The following ATAD5 variants were observed in gnomAD, a reference collection of about 807,000 sequenced individuals.
The protein encoded by ATAD5 is ATPase family AAA domain-containing protein 5.
A neutral mutation model predicts 176.9 loss-of-function variants in ATAD5; 58 were observed. The ratio of observed to expected loss-of-function variants is 0.33; its 90% CI spans 0.27 to 0.41. ATAD5 has a LOEUF of 0.41. Among genes scored for constraint, ATAD5 ranks in the 10% least tolerant of loss-of-function variants. ATAD5 has a pLI of 1.00. For synonymous variants in ATAD5, 640 were observed against 712.6 expected, an observed-to-expected ratio of 0.90 and a Z score of 1.62; for missense variants, 1,789 against 2,094.1, an observed-to-expected ratio of 0.85 and a Z score of 2.84.
chr17:30,888,197 A>C (rs1020477239), intron 19 of ATAD5, among the ~76,000 whole-genome samples: 12 of 152,152 alleles, frequency 7.9e-5, no homozygotes, highest in Admixed American at 2.6e-4. Flanking sequence ...AAGATTATAA[A>C]AATTTTAAGC....
At chr17:30,850,677 T>C (rs1906825605) in intron 6 of ATAD5, among the ~76,000 whole-genome samples, 1 of 150,826 alleles carries the variant, frequency 6.6e-6, no homozygotes, top group Non-Finnish European at 1.5e-5. Context: ...CTCTAAGACA[T>C]CTCTTACTAG....
At chr17:30,840,816 C>T in intron 4 of ATAD5, 35 bp downstream of exon 4, 1 of 1,564,894 alleles carries the variant, frequency 6.4e-7, no homozygotes. Context: ...TATAAATTCT[C>T]TCCTATTTTG....
chr17:30,883,864 C>T (rs1011080866), intron 18 of ATAD5, among the ~76,000 whole-genome samples: 1 of 151,868 alleles, frequency 6.6e-6, no homozygotes, highest in African/African-American at 2.4e-5. Context: ...ATTAATTTTA[C>T]TTGTTTCTTT....
At chr17:30,857,890 C>A (rs191814711) in intron 8 of ATAD5, among the ~76,000 whole-genome samples, 2 of 151,978 alleles carry the variant, frequency 1.3e-5, no homozygotes, top group African/African-American at 4.8e-5. Flanking sequence ...TACAGGCACA[C>A]GCCACCATGC....
At position 30,855,230 on chromosome 17, in the gene ATAD5, G is replaced by T; in HGVS notation, c.2538G>T (p.Leu846Phe). ...TAATGAGTGGTTTGCCAGATTTGTT[G>T]AAACGGCAAATTGCAAAGAAAGCTG... ...DFLMSGLPDL[L>F]KRQIAKKAAA... Residue 846 changes from leucine to phenylalanine, a missense_variant, in exon 7 of 23, where the codon TTG becomes TTT. By Grantham distance (22) the Leu-to-Phe change is conservative (BLOSUM62 0). This residue lies in a region of ATAD5 where 487 missense variants were observed against 573.6 expected (regional missense o/e 0.85). Coordinates refer to ENST00000321990, the MANE Select transcript of ATAD5 (RefSeq NM_024857.5). The T allele has an allele frequency of 6.2e-7, 1 of 1,614,096 alleles. No individual in the cohort carries two copies. Among genetic ancestry groups the T allele is most frequent in the Non-Finnish European group, 8.5e-7 (1 of 1,179,998 alleles).
Position 30,835,862 on chromosome 17 carries a change from C to T in ATAD5, c.1781C>T (p.Thr594Ile), listed in dbSNP as rs369100241. ...SLLNVSTPKS[T>I]RRSGRISSTP... Reference sequence around the variant, plus strand: ...CTAAATGTTTCCACGCCCAAGTCAACTAGAAGATCTGGAAGAATTAGCAGC... The same window carrying T: ...CTAAATGTTTCCACGCCCAAGTCAATTAGAAGATCTGGAAGAATTAGCAGC... Residue 594 changes from threonine (T) to isoleucine (I), a missense_variant, in exon 2 of 23, where the codon ACT becomes ATT. Physicochemically the swap from Thr to Ile is moderately conservative, Grantham distance 89. This residue lies in a region of ATAD5 where 696 missense variants were observed against 712.5 expected (regional missense o/e 0.98). Coordinates refer to ENST00000321990, the MANE Select transcript of ATAD5 (RefSeq NM_024857.5). The T allele has an allele frequency of 6.2e-7, 1 of 1,613,914 alleles. No individual in the cohort carries two copies. Among genetic ancestry groups the T allele is most frequent in the African/African-American group, 1.3e-5 (1 of 74,910 alleles).
chr17:30,866,417 A>G (rs1907987621), intron 11 of ATAD5, among the ~76,000 whole-genome samples: 1 of 150,578 alleles, frequency 6.6e-6, no homozygotes, highest in Non-Finnish European at 1.5e-5. Flanking sequence ...GCTGGTCTCA[A>G]ACTCCTGACC....
rs1001479439 is a variant in ATAD5 at position 30,840,515 on chromosome 17, C to T, written c.2077-102C>T. 3.0e-5 allele frequency: 26 copies of T among 870,558 alleles called. No individual in the cohort carries two copies. The African/African-American group carries it at 4.3e-4, about 14-fold the overall frequency. 53.9% of individuals were successfully genotyped at this position (870,558 alleles called of 1,614,324 possible). On this transcript the variant is annotated intron_variant, in intron 3 of 22. Transcript: ENST00000321990. ...CCTGGTAAGATTTGAATAACCATTTCTTTGTTGATTATTTAATGTGATTTG... is the reference window on the plus strand; with the variant it reads ...CCTGGTAAGATTTGAATAACCATTTTTTTGTTGATTATTTAATGTGATTTG...
Position 30,834,170 on chromosome 17 carries a change from A to G in ATAD5, c.89A>G (p.Asp30Gly). The G allele has an allele frequency of 6.4e-7, 1 of 1,567,416 alleles. No homozygotes were observed. The highest frequency in any genetic ancestry group is 1.4e-5 in the African/African-American group (1 of 72,674). ...EIEPCKKRKK[D>G]DDTSTCKTIT... Reference sequence around the variant, plus strand: ...CAGCCATGCAAAAAGCGAAAGAAAGATGATGACACATCTACCTGCAAAACA... The same window carrying G: ...CAGCCATGCAAAAAGCGAAAGAAAGGTGATGACACATCTACCTGCAAAACA... Residue 30 changes from aspartate (D) to glycine (G), a missense_variant, in exon 2 of 23, where the codon GAT (aspartate) becomes GGT (glycine). Transcript: ENST00000321990.
intron 6 of ATAD5, among the ~76,000 whole-genome samples, chr17:30,845,316 T>C (rs1597959197): frequency 1.3e-5 from 2 of 152,132 alleles, no homozygotes; most frequent in African/African-American, 4.8e-5. Flanking sequence ...ATTCATTGGG[T>C]CAACAAATGA....
At chr17:30,861,064 A>G (rs967749566) in intron 10 of ATAD5, among the ~76,000 whole-genome samples, 4 of 151,576 alleles carry the variant, frequency 2.6e-5, no homozygotes, top group African/African-American at 9.7e-5. Context: ...CGGCCTCCCA[A>G]AGTGCTGGGA....
rs375882237 is a variant in ATAD5 at position 30,833,735 on chromosome 17, C to T, written c.67-413C>T. ...TTGCTCTGTCACCCAGGCTGGAGTG[C>T]AGTGGCACAATCTTGGCTCACTGCA... is the stretch of plus-strand genomic sequence containing the variant. On this transcript the variant is annotated intron_variant, in intron 1 of 22. Coordinates refer to ENST00000321990, the MANE Select transcript of ATAD5 (RefSeq NM_024857.5). Among the ~76,000 whole-genome samples, 10 of 152,326 alleles carry T rather than the reference C, an allele frequency of 6.6e-5. No homozygotes were observed. The East Asian group carries it at 1.3e-3, about 21-fold the overall frequency.
intron 4 of ATAD5, among the ~76,000 whole-genome samples, chr17:30,843,094 G>T (rs1004267109): frequency 7.0e-4 from 106 of 151,832 alleles, no homozygotes; most frequent in African/African-American, 2.5e-3. Context: ...GCTCACGCCT[G>T]TAATCCCAGC....
rs965367533 is a variant in ATAD5, at chr17:30,894,680, G to C, written c.5414G>C (p.Cys1805Ser). The C allele has an allele frequency of 2.5e-6, 4 of 1,613,016 alleles. No individual in the cohort carries two copies. Among genetic ancestry groups the C allele is most frequent in the Non-Finnish European group, 3.4e-6 (4 of 1,179,586 alleles). ...TACCTGCCAACCCTTCGAAACATCT[G>C]TAAGACTGAGAAGCTAAAAGAACAA... Reference protein sequence around the residue: ...IEYLPTLRNICKTEKLKEQGK... With the variant: ...IEYLPTLRNISKTEKLKEQGK... The change falls in exon 22 of 23, where the codon TGT (cysteine) becomes TCT (serine). Residue 1805 changes from cysteine (C) to serine (S), a missense_variant. This residue lies in a region of ATAD5 where 403 missense variants were observed against 495.1 expected (regional missense o/e 0.81). Coordinates refer to ENST00000321990, the MANE Select transcript of ATAD5 (RefSeq NM_024857.5).
chr17:30,836,325 C>G (rs560836763), intron 2 of ATAD5, among the ~76,000 whole-genome samples: 1 of 151,910 alleles, frequency 6.6e-6, no homozygotes, highest in African/African-American at 2.4e-5. Context: ...ACTACAGGCA[C>G]CCGCCACCAC....
At chr17:30,848,859 A>C (rs1906694734) in intron 6 of ATAD5, among the ~76,000 whole-genome samples, 1 of 151,896 alleles carries the variant, frequency 6.6e-6, no homozygotes, top group South Asian at 2.1e-4. Context: ...ATATATCATT[A>C]GTTTTCTTTT....
chr17:30,892,159 T>A (rs1909669170), intron 19 of ATAD5, among the ~76,000 whole-genome samples: 1 of 151,234 alleles, frequency 6.6e-6, no homozygotes, highest in Admixed American at 6.6e-5. Context: ...GCGCAGTGGC[T>A]CACGCATGTA....
chr17:30,890,418 CTTTTTTT>C (rs968126768), intron 19 of ATAD5, among the ~76,000 whole-genome samples: 2 of 106,722 alleles, frequency 1.9e-5, no homozygotes, highest in Admixed American at 2.0e-4. Context: ...CTCTTCTTTT[CTTTTTTT>C]TTTTTTTTTT....
chr17:30,878,718 GTTTTTTTTTT>G (rs71142005), intron 17 of ATAD5, among the ~76,000 whole-genome samples: 139 of 56,858 alleles, frequency 2.4e-3, no homozygotes, highest in African/African-American at 8.6e-3. Flanking sequence ...GTTAGGTGGT[GTTTTTTTTTT>G]TTTTTTTTTT....
Sources: gnomAD v4.1 joint callset for allele counts (sites outside exome capture counted in the v4.1 genomes callset) on GRCh38, gnomAD v4.1.1 for gene constraint, gnomAD v4.1.1 regional missense constraint, MANE v1.5 for transcripts, NCBI Gene and HGNC (gene_info 2026-07-23, HGNC 2026-07-21) for gene names.